The following PLA2G2D variants were observed in gnomAD, a reference collection of about 807,000 sequenced individuals.
The protein encoded by PLA2G2D is phospholipase A2 group IID.
PLA2G2D carries 17 observed loss-of-function variants against 13.9 expected under a neutral mutation model. The observed-to-expected ratio is 1.23, with a 90% CI of 0.84 to 1.84. The LOEUF (loss-of-function observed/expected upper bound fraction) is 1.84. Ranked by LOEUF, PLA2G2D falls within the 40% of genes most tolerant of loss-of-function variation. The probability of loss-of-function intolerance (pLI) is 0.00; values close to 1 mark genes in which losing one functional copy is unlikely to be tolerated. For missense variants in PLA2G2D, 194 were observed against 178.7 expected (o/e 1.09, Z -0.49); for synonymous variants, 83 against 69.3 (o/e 1.20, Z -0.98).
chr1:20,115,101 T>C (rs1019513649), intron 3 of PLA2G2D, among the ~76,000 whole-genome samples: 1 of 152,178 alleles, frequency 6.6e-6, no homozygotes, highest in Non-Finnish European at 1.5e-5. Context: ...CTCGACAGGC[T>C]GCCACGAGCA....
intron 1 of PLA2G2D, among the ~76,000 whole-genome samples, chr1:20,117,553 A>G (rs1293765629): frequency 6.6e-6 from 1 of 152,156 alleles, no homozygotes; most frequent in African/African-American, 2.4e-5. Context: ...GGAAGAGAGG[A>G]ATGCATTATG....
chr1:20,114,514 C>T (rs772959211), intron 3 of PLA2G2D, among the ~76,000 whole-genome samples: 7 of 151,978 alleles, frequency 4.6e-5, no homozygotes, highest in African/African-American at 7.3e-5. Context: ...GAGGACTGAA[C>T]GATAGGGACA....
At position 20,113,592 on chromosome 1, in the gene PLA2G2D, C is replaced by T. The variant is rs1266576495; in HGVS notation, c.*522G>A. The T allele has an allele frequency of 6.6e-6, 1 of 152,306 alleles. No individual in the cohort carries two copies. 9.4% of individuals were successfully genotyped at this position (152,306 alleles called of 1,614,324 possible). A position where few individuals can be genotyped will look rare whatever the true frequency, so the allele number is the denominator to read the frequency against. ...TTAAGACAGGCATGGCCTCCACCTG[C>T]AGGGACTTCAGAGCTTGCCTGGGGA... On this transcript the variant is annotated 3_prime_UTR_variant, in exon 4 of 4. Coordinates refer to ENST00000375105, the MANE Select transcript of PLA2G2D (RefSeq NM_012400.4).
intron 3 of PLA2G2D, among the ~76,000 whole-genome samples, chr1:20,114,524 A>G (rs890622405): frequency 1.3e-5 from 2 of 152,232 alleles, no homozygotes; most frequent in African/African-American, 4.8e-5. Context: ...CGATAGGGAC[A>G]TGAGAGAGGG....
At position 20,113,455 on chromosome 1, in the gene PLA2G2D, G is replaced by C. The variant is rs1193292030; in HGVS notation, c.*659C>G. ...GGCAGGAGAAAGTACTCAAGGCTCT[G>C]GTGCCTGGAGCCACAAGACCTGGCG... On this transcript the variant is annotated 3_prime_UTR_variant, in exon 4 of 4. Coordinates refer to ENST00000375105, the MANE Select transcript of PLA2G2D (RefSeq NM_012400.4). 6.6e-6 allele frequency: 1 copy of C among 152,264 alleles called. No individual in the cohort carries two copies. Among genetic ancestry groups the C allele is most frequent in the African/African-American group, 2.4e-5 (1 of 41,464 alleles). The allele number at this position is 152,264 out of a possible 1,614,324, so 9.4% of individuals were successfully genotyped here.
Position 20,111,953 on chromosome 1 carries a change from ATTTTATTTTATT to A in PLA2G2D, c.*2149_*2160del, listed in dbSNP as rs2100671171. ...ATTTTATTTTATTTTATTTTATTTT[ATTTTATTTTATT>A]TTATTTTATTTTATTTTTTGAGACA... On this transcript the variant is annotated 3_prime_UTR_variant, in exon 4 of 4. Transcript: ENST00000375105. 6.8e-6 allele frequency: 1 copy of A among 147,272 alleles called. No homozygotes were observed. Among genetic ancestry groups the A allele is most frequent in the South Asian group, 2.2e-4 (1 of 4,630 alleles). The allele number at this position is 147,272 out of a possible 1,614,324, so 9.1% of individuals were successfully genotyped here.
chr1:20,119,389 G>A (rs2017048100), intron 1 of PLA2G2D, 70 bp downstream of exon 1: 3 of 1,342,360 alleles, frequency 2.2e-6, no homozygotes, highest in Non-Finnish European at 3.2e-6. Flanking sequence ...CCCTAATCTG[G>A]GAAAGAGAGC....
intron 1 of PLA2G2D, among the ~76,000 whole-genome samples, chr1:20,118,281 G>A (rs2017028038): frequency 6.6e-6 from 1 of 152,142 alleles, no homozygotes; most frequent in Admixed American, 6.5e-5. Context: ...CCTGAATGAT[G>A]CAGCTCTTTC....
Position 20,116,455 on chromosome 1 carries a change from C to T in PLA2G2D, c.63G>A (p.Gly21=). Reference sequence around the variant, plus strand: ...TGACCATCTTGTTCAGGTTCAGGATCCCGCCCTGGATTGGAATCACACCTG... The same window carrying T: ...TGACCATCTTGTTCAGGTTCAGGATTCCGCCCTGGATTGGAATCACACCTG... ...VMAGVIPIQG[G]ILNLNKMVKQ... Residue 21 remains glycine, a synonymous_variant, in exon 2 of 4, where the codon GGG becomes GGA. Coordinates refer to ENST00000375105, the MANE Select transcript of PLA2G2D (RefSeq NM_012400.4). 1 of 1,614,148 alleles carries T rather than the reference C, an allele frequency of 6.2e-7. No individual in the cohort carries two copies.
intron 1 of PLA2G2D, among the ~76,000 whole-genome samples, chr1:20,117,771 C>T (rs767242977): frequency 2.6e-4 from 40 of 152,140 alleles, no homozygotes; most frequent in Non-Finnish European, 5.3e-4. Context: ...TTATGGAACC[C>T]GCACCCAACC....
chr1:20,117,312 G>A (rs1341828958), intron 1 of PLA2G2D, among the ~76,000 whole-genome samples: 1 of 152,108 alleles, frequency 6.6e-6, no homozygotes, highest in Non-Finnish European at 1.5e-5. Context: ...ACAACAGTCT[G>A]GTTTCATTCT....
chr1:20,115,488 C>A lies in PLA2G2D; in HGVS notation c.292+19G>T. 1 of 1,399,028 alleles carries A rather than the reference C, an allele frequency of 7.1e-7. No individual in the cohort carries two copies. Among genetic ancestry groups the A allele is most frequent in the South Asian group, 1.2e-5 (1 of 86,486 alleles). 86.7% of individuals were successfully genotyped at this position (1,399,028 alleles called of 1,614,324 possible). A position where few individuals can be genotyped will look rare whatever the true frequency, so the allele number is the denominator to read the frequency against. ...CTTCCTGGGGTCTCCAGCTCCTGCC[C>A]TGAGGTCTGCGTACTCACAGCAGTG... On this transcript the variant is annotated intron_variant, in intron 3 of 3. Coordinates refer to ENST00000375105, the MANE Select transcript of PLA2G2D (RefSeq NM_012400.4).
chr1:20,116,585 A>T, intron 1 of PLA2G2D, 108 bp from the exon 2 acceptor site: 1 of 936,174 alleles, frequency 1.1e-6, no homozygotes. Context: ...GAGTGACCTC[A>T]GATGATGATA....
intron 2 of PLA2G2D, 45 bp downstream of exon 2, chr1:20,116,278 AAGAGTACCGT>A (rs2016987841): frequency 6.5e-7 from 1 of 1,549,400 alleles, no homozygotes. Flanking sequence ...GAGAGAAAAG[AAGAGTACCGT>A]AGTCGGGGAC....
Position 20,116,473 on chromosome 1 carries a change from C to G in PLA2G2D, c.45G>C (p.Val15=). The G allele has an allele frequency of 6.2e-7, 1 of 1,614,156 alleles. No homozygotes were observed. The change falls in exon 2 of 4, where the codon GTG becomes GTC. Residue 15 remains valine, a synonymous_variant. Coordinates refer to ENST00000375105, the MANE Select transcript of PLA2G2D (RefSeq NM_012400.4). ...LLCGLVVMAG[V]IPIQGGILNL... Reference sequence around the variant, plus strand: ...TCAGGATCCCGCCCTGGATTGGAATCACACCTGCCAAGCAGCCCAGCAACC... The same window carrying G: ...TCAGGATCCCGCCCTGGATTGGAATGACACCTGCCAAGCAGCCCAGCAACC...
At chr1:20,119,403 G>C in intron 1 of PLA2G2D, 56 bp downstream of exon 1, 1 of 1,442,744 alleles carries the variant, frequency 6.9e-7, no homozygotes, top group Non-Finnish European at 9.8e-7. Flanking sequence ...AGAGAGCACA[G>C]GGGTACACTG....
At position 20,116,423 on chromosome 1, in the gene PLA2G2D, A is replaced by T; in HGVS notation, c.95T>A (p.Val32Glu). The change falls in exon 2 of 4, where the codon GTG becomes GAG. Residue 32 changes from valine (V) to glutamate (E), a missense_variant. By Grantham distance (121) the Val-to-Glu change is moderately radical (BLOSUM62 -2). Coordinates refer to ENST00000375105, the MANE Select transcript of PLA2G2D (RefSeq NM_012400.4). Reference protein sequence around the residue: ...ILNLNKMVKQVTGKMPILSYW... With the variant: ...ILNLNKMVKQETGKMPILSYW... ...GGAGAGGATGGGCATTTTCCCAGTC[A>T]CTTGCTTGACCATCTTGTTCAGGTT... is the stretch of plus-strand genomic sequence containing the variant. 3 of 1,614,128 alleles carry T rather than the reference A, an allele frequency of 1.9e-6. No individual in the cohort carries two copies. Among genetic ancestry groups the T allele is most frequent in the Non-Finnish European group, 1.7e-6 (2 of 1,179,992 alleles).
At chr1:20,116,192 T>G in intron 2 of PLA2G2D, 141 bp downstream of exon 2, 2 of 901,050 alleles carry the variant, frequency 2.2e-6, no homozygotes, top group South Asian at 1.5e-5. Flanking sequence ...GGGACCGTAT[T>G]GGCACCCAGT....
At chr1:20,114,490 G>T (rs150277295) in intron 3 of PLA2G2D, among the ~76,000 whole-genome samples, 2 of 152,304 alleles carry the variant, frequency 1.3e-5, no homozygotes, top group East Asian at 1.9e-4. Context: ...AGCACCTACC[G>T]TGTCACGGCA....
Sources: gnomAD v4.1 joint callset for allele counts (sites outside exome capture counted in the v4.1 genomes callset) on GRCh38, gnomAD v4.1.1 for gene constraint, MANE v1.5 for transcripts, NCBI Gene and HGNC (gene_info 2026-07-23, HGNC 2026-07-21) for gene names.